DAB1: variants seen among roughly 807,000 people sequenced by gnomAD.
DAB1 encodes DAB adaptor protein 1, also known as disabled homolog 1.
Under a neutral mutation model 64.6 loss-of-function variants are expected in DAB1, and 15 were observed. The ratio of observed to expected loss-of-function variants is 0.23; its 90% CI spans 0.16 to 0.36. The LOEUF is 0.36. Among genes scored for constraint, DAB1 ranks in the 10% least tolerant of loss-of-function variants. The probability of loss-of-function intolerance (pLI) is 1.00; values close to 1 mark genes in which losing one functional copy is unlikely to be tolerated. For synonymous variants in DAB1, 235 were observed against 251.9 expected (o/e 0.93, Z 0.64); for missense variants, 596 against 706.7 (o/e 0.84, Z 1.78).
At chr1:57,191,304 C>A (rs974684825) in intron 2 of DAB1, among the ~76,000 whole-genome samples, 1 of 152,132 alleles carries the variant, frequency 6.6e-6, no homozygotes, top group Non-Finnish European at 1.5e-5. Context: ...AGAGGCCTCA[C>A]AGTAGGGTGC....
At chr1:57,014,181 A>C (rs1646351338) in intron 12 of DAB1, among the ~76,000 whole-genome samples, 1 of 152,276 alleles carries the variant, frequency 6.6e-6, no homozygotes. Flanking sequence ...GCTCATAGAA[A>C]TAAAGTGCTT....
chr1:58,400,745 A>G (rs1644561822), intron 3 of DAB1, among the ~76,000 whole-genome samples: 1 of 152,246 alleles, frequency 6.6e-6, no homozygotes, highest in Admixed American at 6.5e-5. Flanking sequence ...AAGGCTATAA[A>G]GCAAATTTTA....
At chr1:58,394,919 G>T (rs999578645) in intron 3 of DAB1, among the ~76,000 whole-genome samples, 1 of 151,272 alleles carries the variant, frequency 6.6e-6, no homozygotes, top group Non-Finnish European at 1.5e-5. Context: ...TTATAAAGCC[G>T]ATTTTAAAAA....
At chr1:58,188,419 C>G (rs1657207157) in intron 4 of DAB1, among the ~76,000 whole-genome samples, 1 of 152,204 alleles carries the variant, frequency 6.6e-6, no homozygotes, top group Non-Finnish European at 1.5e-5. Context: ...TATTAATGAG[C>G]ATTCTCCCCT....
chr1:58,415,322 G>A (rs1644709106), intron 3 of DAB1: 1 of 212,058 alleles, frequency 4.7e-6, no homozygotes. Context: ...CCCAGACTAT[G>A]ATATTTGGTT....
chr1:58,093,531 A>C (rs2100616600), intron 5 of DAB1, among the ~76,000 whole-genome samples: 1 of 152,054 alleles, frequency 6.6e-6, no homozygotes, highest in Middle Eastern at 3.4e-3. Flanking sequence ...CATGCTCCTT[A>C]TGAGAATCTA....
At chr1:57,981,771 G>A (rs186341284) in intron 5 of DAB1, among the ~76,000 whole-genome samples, 2 of 152,288 alleles carry the variant, frequency 1.3e-5, no homozygotes, top group Non-Finnish European at 2.9e-5. Context: ...GAGCCTTTTG[G>A]ATTGAACAGG....
intron 5 of DAB1, among the ~76,000 whole-genome samples, chr1:58,061,056 G>A (rs1570296933): frequency 6.6e-6 from 1 of 152,194 alleles, no homozygotes; most frequent in Non-Finnish European, 1.5e-5. Context: ...AGGACCAGTC[G>A]TGGCCAGGAC....
intron 7 of DAB1, among the ~76,000 whole-genome samples, chr1:57,608,527 C>T (rs1326904726): frequency 6.6e-6 from 1 of 152,180 alleles, no homozygotes; most frequent in Non-Finnish European, 1.5e-5. Context: ...TAAAAACCTG[C>T]ACTTATCAAT....
intron 4 of DAB1, among the ~76,000 whole-genome samples, chr1:58,256,754 C>T (rs750915699): frequency 2.0e-5 from 3 of 152,106 alleles, no homozygotes; most frequent in South Asian, 2.1e-4. Flanking sequence ...GACTGGCTGG[C>T]ACTAATATAG....
chr1:57,712,681 G>A (rs1420629405), intron 6 of DAB1, among the ~76,000 whole-genome samples: 1 of 152,130 alleles, frequency 6.6e-6, no homozygotes, highest in Non-Finnish European at 1.5e-5. Flanking sequence ...CTGCTCACGA[G>A]AGTGTGTAAA....
chr1:58,089,563 A>G (rs1650516080), intron 5 of DAB1, among the ~76,000 whole-genome samples: 1 of 152,228 alleles, frequency 6.6e-6, no homozygotes, highest in South Asian at 2.1e-4. Context: ...TGTAAAAAAT[A>G]AAATGGTCTG....
intron 1 of DAB1, among the ~76,000 whole-genome samples, chr1:57,872,980 A>T (rs542402969): frequency 1.3e-5 from 2 of 152,110 alleles, no homozygotes; most frequent in Non-Finnish European, 2.9e-5. Context: ...ATGGTTAGAG[A>T]ACAAGAGGCA....
intron 1 of DAB1, among the ~76,000 whole-genome samples, chr1:57,398,930 ATG>A (rs36036873): frequency 0.35 from 53,333 of 151,962 alleles, 9,796 homozygotes; most frequent in Non-Finnish European, 0.41. Context: ...AGGGTTTTGA[ATG>A]TGTGCTCTCC....
At chr1:57,071,742 TATTAATCTGAAAGC>T in intron 5 of DAB1, 101 bp from the exon 6 acceptor site, 1 of 1,145,644 alleles carries the variant, frequency 8.7e-7, no homozygotes, top group Non-Finnish European at 1.2e-6. Context: ...TTCCTTTTTC[TATTAATCTGAAAGC>T]ATTCCATTCT....
intron 9 of DAB1, among the ~76,000 whole-genome samples, chr1:57,048,394 A>G (rs978023368): frequency 2.0e-5 from 3 of 152,238 alleles, no homozygotes; most frequent in East Asian, 1.9e-4. Context: ...GCCTAGAATC[A>G]TACAGCTAAT....
At chr1:57,934,063 T>TTGTGTGTGTGTGTGTGTGTGTGTG (rs55848780) in intron 5 of DAB1, among the ~76,000 whole-genome samples, 7 of 128,102 alleles carry the variant, frequency 5.5e-5, no homozygotes, top group African/African-American at 1.5e-4. Flanking sequence ...GCCCAGCTAA[T>TTGTGTGTGTGTGTGTGTGTGTGTG]TGTGTGTGTG....
At chr1:57,230,690 T>TAC (rs34678062) in intron 2 of DAB1, among the ~76,000 whole-genome samples, 2 of 152,000 alleles carry the variant, frequency 1.3e-5, no homozygotes, top group Non-Finnish European at 2.9e-5. Context: ...CACATATATA[T>TAC]AATGTGTAAT....
At chr1:57,828,290 T>C (rs899201129) in intron 1 of DAB1, among the ~76,000 whole-genome samples, 2 of 152,234 alleles carry the variant, frequency 1.3e-5, no homozygotes. Flanking sequence ...TCAGAGAGGT[T>C]AAAAACTTTT....
Sources: allele counts gnomAD v4.1 joint callset (sites outside exome capture counted in the v4.1 genomes callset), GRCh38; gene constraint gnomAD v4.1.1; transcripts MANE v1.5; gene names NCBI Gene and HGNC (gene_info 2026-07-23, HGNC 2026-07-21).